Variants in LACTB2 observed in about 807,000 individuals in gnomAD.
LACTB2 encodes lactamase beta 2, also known as endoribonuclease LACTB2.
LACTB2 carries 32 observed loss-of-function variants against 34.8 expected under a neutral mutation model. That is an observed-to-expected ratio of 0.92 (90% confidence interval 0.69 to 1.24). LACTB2 has a LOEUF of 1.24. Among genes scored for constraint, LACTB2 ranks in the 50% most tolerant of loss-of-function variants. LACTB2 has a pLI of 0.00. For synonymous variants in LACTB2, 120 were observed against 117.5 expected (o/e 1.02, Z -0.14); for missense variants, 320 against 345.0 (o/e 0.93, Z 0.57).
At chr8:70,661,653 A>G in intron 2 of LACTB2, 81 bp downstream of exon 2, 2 of 1,237,748 alleles carry the variant, frequency 1.6e-6, no homozygotes, top group South Asian at 3.0e-5. Flanking sequence ...TGGTTTATAG[A>G]CTACTTAGCT....
chr8:70,646,564 T>C (rs577838886), intron 3 of LACTB2: 5 of 151,512 alleles, frequency 3.3e-5, no homozygotes, highest in Admixed American at 2.0e-4. Flanking sequence ...TTCTACCCTA[T>C]ATAAGAAACT....
chr8:70,638,945 G>C (rs562275211), intron 5 of LACTB2, among the ~76,000 whole-genome samples: 39 of 151,854 alleles, frequency 2.6e-4, no homozygotes, highest in African/African-American at 9.4e-4. Context: ...TCACCATGTT[G>C]GTCAGAATGG....
rs535566396 is a variant in LACTB2 at position 70,645,763 on chromosome 8, C to T, written c.414-1520G>A. ...TGTGGTGTTTGGTGTTTTGTCCTTG[C>T]GATAGTTTGCTGAGAATGATGGTTT... is the stretch of plus-strand genomic sequence containing the variant. On this transcript the variant is annotated intron_variant, in intron 3 of 6. Coordinates refer to ENST00000276590, the MANE Select transcript of LACTB2 (RefSeq NM_016027.3). Among the ~76,000 whole-genome samples the T allele has an allele frequency of 3.1e-3, 473 of 150,196 alleles. 3 individuals carry two copies. The highest frequency in any genetic ancestry group is 0.011 in the African/African-American group (445 of 40,914).
intron 2 of LACTB2, among the ~76,000 whole-genome samples, chr8:70,658,200 T>G (rs1021508675): frequency 2.0e-5 from 3 of 152,306 alleles, no homozygotes; most frequent in Middle Eastern, 3.4e-3. Context: ...GAGGCACTAA[T>G]ACAGAACCTG....
In LACTB2 at chr8:70,660,640, T is replaced by C. The variant is rs754832655; in HGVS notation, c.286+1094A>G. ...ACCATCTTTGCTCCTGCAATGCTGT[T>C]TGCCTGCAGGCCTTCCTGCCAGGAG... On this transcript the variant is annotated intron_variant, in intron 2 of 6. Coordinates refer to ENST00000276590, the MANE Select transcript of LACTB2 (RefSeq NM_016027.3). The C allele has an allele frequency of 2.0e-5, 9 of 456,306 alleles. No individual in the cohort carries two copies. In the Middle Eastern group the frequency reaches 9.7e-4, roughly 49 times the overall value. The allele number at this position is 456,306 out of a possible 1,614,324, so 28.3% of individuals were successfully genotyped here.
At chr8:70,654,149 G>C (rs62531750) in intron 3 of LACTB2, among the ~76,000 whole-genome samples, 11,033 of 152,234 alleles carry the variant, frequency 0.072, 470 homozygotes, top group Non-Finnish European at 0.089. Flanking sequence ...AGCTGGAGAA[G>C]AGCAGTTAAT....
chr8:70,655,220 ATTTTT>A (rs36122235), intron 3 of LACTB2, among the ~76,000 whole-genome samples: 1 of 137,294 alleles, frequency 7.3e-6, no homozygotes, highest in Non-Finnish European at 1.6e-5. Flanking sequence ...ATTAATTCCT[ATTTTT>A]TTTTTTTTTT....
chr8:70,637,956 C>G (rs1818144818), intron 6 of LACTB2, 53 bp from the exon 7 acceptor site: 1 of 1,035,884 alleles, frequency 9.7e-7, no homozygotes, highest in Non-Finnish European at 1.4e-6. Context: ...AGTAAATGCA[C>G]TGAATTTTAA....
intron 6 of LACTB2, among the ~76,000 whole-genome samples, chr8:70,638,260 T>A (rs1818148267): frequency 6.6e-6 from 1 of 152,216 alleles, no homozygotes; most frequent in Admixed American, 6.5e-5. Context: ...TCGTGGTTTT[T>A]GGGTCTGGGA....
intron 3 of LACTB2, 42 bp downstream of exon 3, chr8:70,657,714 C>A: frequency 6.4e-7 from 1 of 1,573,550 alleles, no homozygotes; most frequent in South Asian, 1.2e-5. Flanking sequence ...AACACACATA[C>A]ACAGACTCTT....
At chr8:70,657,428 ATTTTTTTTT>A (rs777806428) in intron 3 of LACTB2, among the ~76,000 whole-genome samples, 15 of 115,822 alleles carry the variant, frequency 1.3e-4, no homozygotes, top group Non-Finnish European at 1.7e-4. Flanking sequence ...CAGATCTTCT[ATTTTTTTTT>A]TTTTTTTTTT....
chr8:70,657,662 C>A lies in LACTB2; in HGVS notation c.413+94G>T, dbSNP rs1286917599. ...TCCTGGGCTCAAACGATCTTCCCAT[C>A]TCAGCCTCCCAAAATGCTGGGATCC... On this transcript the variant is annotated intron_variant, in intron 3 of 6. Coordinates refer to ENST00000276590, the MANE Select transcript of LACTB2 (RefSeq NM_016027.3). 3 of 1,251,222 alleles carry A rather than the reference C, an allele frequency of 2.4e-6. No homozygotes were observed. In the Admixed American group the frequency reaches 8.1e-5, roughly 34 times the overall value. 77.5% of individuals were successfully genotyped at this position (1,251,222 alleles called of 1,614,324 possible). A position where few individuals can be genotyped will look rare whatever the true frequency, so the allele number is the denominator to read the frequency against.
At chr8:70,637,941 A>G (rs1359233930) in intron 6 of LACTB2, 38 bp from the exon 7 acceptor site, 5 of 1,239,540 alleles carry the variant, frequency 4.0e-6, no homozygotes, top group Non-Finnish European at 4.5e-6. Context: ...ATTTAACAAT[A>G]GATAAGTAAA....
chr8:70,642,254 A>C (rs772646541), intron 4 of LACTB2, among the ~76,000 whole-genome samples: 3 of 151,994 alleles, frequency 2.0e-5, no homozygotes, highest in Non-Finnish European at 2.9e-5. Context: ...ACAAACAAAC[A>C]AACCCCCCCA....
chr8:70,661,979 T>C (rs1255291487), intron 1 of LACTB2, 82 bp from the exon 2 acceptor site: 3 of 1,210,810 alleles, frequency 2.5e-6, no homozygotes, highest in Non-Finnish European at 3.4e-6. Flanking sequence ...TAATTTACAT[T>C]AAAGAAACTG....
intron 2 of LACTB2, 123 bp downstream of exon 2, chr8:70,661,607 CTAAA>C: frequency 1.3e-6 from 1 of 766,844 alleles, no homozygotes; most frequent in South Asian, 2.0e-5. Flanking sequence ...TAATCAATTT[CTAAA>C]AGTACCATTT....
intron 3 of LACTB2, chr8:70,651,971 A>G (rs1256651553): frequency 6.6e-6 from 1 of 152,212 alleles, no homozygotes; most frequent in African/African-American, 2.4e-5. Context: ...AGAATTCAAG[A>G]CAGTGATCAA....
chr8:70,642,596 G>A (rs1818213556), intron 4 of LACTB2, among the ~76,000 whole-genome samples: 2 of 146,712 alleles, frequency 1.4e-5, no homozygotes, highest in Non-Finnish European at 3.0e-5. Context: ...TGATTTTCCT[G>A]CCTCAGCCTC....
rs1818136909 is a variant in LACTB2 at position 70,637,430 on chromosome 8, G to T, written c.*430C>A. The T allele has an allele frequency of 6.6e-6, 1 of 152,314 alleles. No homozygotes were observed. 9.4% of individuals were successfully genotyped at this position (152,314 alleles called of 1,614,324 possible). A position where few individuals can be genotyped will look rare whatever the true frequency, so the allele number is the denominator to read the frequency against. On this transcript the variant is annotated 3_prime_UTR_variant, in exon 7 of 7. Transcript: ENST00000276590. Reference sequence around the variant, plus strand: ...CATCAAGACAAAGCAATTATGTACAGATAGAGACAAGGGTTGAGGAAAGAG... The same window carrying T: ...CATCAAGACAAAGCAATTATGTACATATAGAGACAAGGGTTGAGGAAAGAG...
Sources: gnomAD v4.1 joint callset for allele counts (sites outside exome capture counted in the v4.1 genomes callset) on GRCh38, gnomAD v4.1.1 for gene constraint, MANE v1.5 for transcripts, NCBI Gene and HGNC (gene_info 2026-07-23, HGNC 2026-07-21) for gene names.